The following DIS3L2 variants were observed in gnomAD, a reference collection of about 807,000 sequenced individuals.
DIS3L2 encodes the protein DIS3-like exonuclease 2.
DIS3L2 carries 34 observed loss-of-function variants against 97.5 expected under a neutral mutation model. The observed-to-expected ratio is 0.35, with a 90% CI of 0.27 to 0.46. The LOEUF is 0.46. DIS3L2 is among the 20% of genes least tolerant of loss of function. The probability of loss-of-function intolerance (pLI) is 1.00; values close to 1 mark genes in which losing one functional copy is unlikely to be tolerated. For synonymous variants in DIS3L2, 435 were observed against 445.2 expected (o/e 0.98, Z 0.29); for missense variants, 1,038 against 1,146.0 (o/e 0.91, Z 1.36).
chr2:232,282,599 A>G (rs1187927206), intron 13 of DIS3L2, among the ~76,000 whole-genome samples: 1 of 152,028 alleles, frequency 6.6e-6, no homozygotes, highest in Non-Finnish European at 1.5e-5. Flanking sequence ...AGTAAAGATG[A>G]CCTCGTGGGC....
At chr2:232,263,036 G>A (rs897865844) in intron 12 of DIS3L2, among the ~76,000 whole-genome samples, 171 bp from the exon 13 acceptor site, 2 of 152,312 alleles carry the variant, frequency 1.3e-5, no homozygotes, top group South Asian at 2.1e-4. Flanking sequence ...GAGGGCAGCA[G>A]CTTCCATCTC....
intron 8 of DIS3L2, among the ~76,000 whole-genome samples, chr2:232,138,787 T>G (rs1323358068): frequency 6.6e-6 from 1 of 152,168 alleles, no homozygotes; most frequent in Non-Finnish European, 1.5e-5. Context: ...AAAAATCAAG[T>G]TTAGCTAAGG....
At chr2:232,274,642 G>T (rs1236889372) in intron 13 of DIS3L2, among the ~76,000 whole-genome samples, 1 of 152,140 alleles carries the variant, frequency 6.6e-6, no homozygotes, top group Non-Finnish European at 1.5e-5. Context: ...CTTTCCCCTT[G>T]CCACTCAAGA....
intron 9 of DIS3L2, among the ~76,000 whole-genome samples, chr2:232,176,580 C>A (rs996914637): frequency 6.6e-6 from 1 of 150,530 alleles, no homozygotes; most frequent in Non-Finnish European, 1.5e-5. Context: ...TCAGATCTTT[C>A]TATGTTTTGT....
rs184586795 is a variant in DIS3L2, at chr2:232,049,545, A to G, written c.366+19465A>G. The stretch of plus-strand genomic sequence containing the variant: ...CTACCTTCTGTCCACATGATGACAC[A>G]GCAAGAAAGCCCTCACCAGATGCTG... On this transcript the variant is annotated intron_variant, in intron 5 of 20. Transcript: ENST00000325385. Among the ~76,000 whole-genome samples, 5 of 152,294 alleles carry G rather than the reference A, an allele frequency of 3.3e-5. No homozygotes were observed. In the South Asian group the frequency reaches 8.3e-4, roughly 25 times the overall value.
chr2:232,330,588 T>TC (rs1240309805), intron 15 of DIS3L2, 102 bp from the exon 16 acceptor site: 15 of 1,213,032 alleles, frequency 1.2e-5, no homozygotes, highest in Non-Finnish European at 1.7e-5. Context: ...AGGCAACTCC[T>TC]CCCCCCAGAG....
chr2:232,185,577 G>A (rs1294085644), intron 9 of DIS3L2, among the ~76,000 whole-genome samples: 2 of 152,232 alleles, frequency 1.3e-5, no homozygotes, highest in African/African-American at 2.4e-5. Context: ...GCTTATGCCT[G>A]TAATCCCAGC....
intron 6 of DIS3L2, among the ~76,000 whole-genome samples, chr2:232,114,949 ACT>A (rs1411174202): frequency 6.6e-6 from 1 of 152,032 alleles, no homozygotes; most frequent in Non-Finnish European, 1.5e-5. Context: ...GCCAGTGGGG[ACT>A]CTCTGCAGAG....
At chr2:232,155,372 C>G (rs1014274355) in intron 8 of DIS3L2, among the ~76,000 whole-genome samples, 1 of 152,148 alleles carries the variant, frequency 6.6e-6, no homozygotes, top group Non-Finnish European at 1.5e-5. Context: ...TAGTGCTCAG[C>G]GCCAGTCTTT....
chr2:232,254,333 A>G (rs1297849537), intron 12 of DIS3L2, among the ~76,000 whole-genome samples: 1 of 152,184 alleles, frequency 6.6e-6, no homozygotes, highest in East Asian at 1.9e-4. Context: ...TTATGAGGAC[A>G]GTATGCCAGC....
intron 13 of DIS3L2, among the ~76,000 whole-genome samples, chr2:232,342,341 A>T (rs1696129959): frequency 6.6e-6 from 1 of 152,164 alleles, no homozygotes. Context: ...TCAGACATGA[A>T]GAAGTATCTT....
chr2:232,177,250 A>G (rs1272265395), intron 9 of DIS3L2, among the ~76,000 whole-genome samples: 192 of 143,652 alleles, frequency 1.3e-3, no homozygotes, highest in South Asian at 5.6e-3. Context: ...ATTGTGAATA[A>G]TGCCGCAATA....
intron 9 of DIS3L2, among the ~76,000 whole-genome samples, chr2:232,165,617 T>A (rs1181298053): frequency 2.0e-5 from 3 of 152,186 alleles, no homozygotes; most frequent in Non-Finnish European, 4.4e-5. Flanking sequence ...CTTGAATTCT[T>A]GGGCTCAAGT....
intron 8 of DIS3L2, among the ~76,000 whole-genome samples, chr2:232,139,467 T>G (rs929213783): frequency 6.6e-6 from 1 of 152,108 alleles, no homozygotes; most frequent in African/African-American, 2.4e-5. Flanking sequence ...GGCAGGTGTT[T>G]TCCCTCGTCA....
At position 232,325,283 on chromosome 2, in the gene DIS3L2, C is replaced by T. The variant is rs1366192532; in HGVS notation, c.1740-4530C>T. Among the ~76,000 whole-genome samples the T allele has an allele frequency of 1.3e-5, 2 of 152,204 alleles. No homozygotes were observed. Among genetic ancestry groups the T allele is most frequent in the South Asian group, 2.1e-4 (1 of 4,832 alleles). On this transcript the variant is annotated intron_variant, in intron 14 of 20. Coordinates refer to ENST00000325385, the MANE Select transcript of DIS3L2 (RefSeq NM_152383.5). This position sits in a 1 kb window ranked among gnomAD's most constrained non-coding sequence, Gnocchi z 4.6. ...ACCTTCAGGGTGAAGGACGCCCTGT[C>T]GTAAACGCATGAAGAGCCCTGCGTT...
intron 8 of DIS3L2, among the ~76,000 whole-genome samples, chr2:232,142,478 GATGTTAGAGGACCTTAGATAACC>G (rs1381706569): frequency 6.6e-6 from 1 of 152,074 alleles, no homozygotes; most frequent in Non-Finnish European, 1.5e-5. Flanking sequence ...AAAATATTAT[GATGTTAGAGGACCTTAGATAACC>G]ATCAACCTCC....
In DIS3L2 at chr2:232,274,383, CAT is replaced by C. The variant is rs1158322529; in HGVS notation, c.1659+10946_1659+10947del. Among the ~76,000 whole-genome samples the C allele has an allele frequency of 2.0e-5, 3 of 152,194 alleles. No individual in the cohort carries two copies. In the East Asian group the frequency reaches 5.8e-4, roughly 29 times the overall value. ...CCTCCATGTCACACTCCACGTCACT[CAT>C]ATGTGAGCCAAACAGCTACATCAGA... On this transcript the variant is annotated intron_variant, in intron 13 of 20. Coordinates refer to ENST00000325385, the MANE Select transcript of DIS3L2 (RefSeq NM_152383.5).
chr2:232,334,520 C>G (rs1695878257), intron 18 of DIS3L2, 21 bp downstream of exon 18: 1 of 1,612,672 alleles, frequency 6.2e-7, no homozygotes, highest in South Asian at 1.1e-5. Context: ...CAGCCTGGTG[C>G]CCCTCACCTC....
chr2:232,162,292 T>C (rs1690674861), intron 8 of DIS3L2, among the ~76,000 whole-genome samples: 1 of 152,216 alleles, frequency 6.6e-6, no homozygotes, highest in South Asian at 2.1e-4. Flanking sequence ...GTCTGCAGGC[T>C]GCCGAGATCA....
Sources: gnomAD v4.1 joint callset for allele counts (sites outside exome capture counted in the v4.1 genomes callset) on GRCh38, gnomAD v4.1.1 for gene constraint, Gnocchi (gnomAD v3.1) non-coding constraint, MANE v1.5 for transcripts, NCBI Gene and HGNC (gene_info 2026-07-23, HGNC 2026-07-21) for gene names.